Variants in BRF1 observed in about 807,000 individuals in gnomAD.
BRF1 encodes transcription factor IIIB 90 kDa subunit.
Under a neutral mutation model 81.7 loss-of-function variants are expected in BRF1, and 59 were observed. The observed-to-expected ratio is 0.72, with a 90% CI of 0.59 to 0.90. The LOEUF (loss-of-function observed/expected upper bound fraction) is 0.90, where lower values mean the gene tolerates loss of function less well. Ranked by LOEUF, BRF1 falls within the 40% of genes least tolerant of loss-of-function variation. BRF1 has a pLI of 0.00. For missense variants in BRF1, 1,050 were observed against 936.3 expected (o/e 1.12, Z -1.58); for synonymous variants, 491 against 395.6 (o/e 1.24, Z -2.86).
chr14:105,260,891 C>T (rs1301611610), intron 3 of BRF1, among the ~76,000 whole-genome samples: 1 of 152,232 alleles, frequency 6.6e-6, no homozygotes, highest in East Asian at 1.9e-4. Context: ...ATCACATTCC[C>T]TCTGGCCAAT....
rs1025115741 is a variant in BRF1 at position 105,210,707 on chromosome 14, G to T, written c.1997-119C>A. 15 of 1,066,356 alleles carry T rather than the reference G, an allele frequency of 1.4e-5. No individual in the cohort carries two copies. The African/African-American group carries it at 2.6e-4, about 18-fold the overall frequency. The allele number at this position is 1,066,356 out of a possible 1,614,324, so 66.1% of individuals were successfully genotyped here. A position where few individuals can be genotyped will look rare whatever the true frequency, so the allele number is the denominator to read the frequency against. On this transcript the variant is annotated intron_variant, in intron 17 of 17. Transcript: ENST00000547530. The surrounding 1 kb of genome is among the most constrained non-coding windows in gnomAD (Gnocchi z 4.7). Reference sequence around the variant, plus strand: ...GACTCAGGCTCCAGCCCCAGCCCCAGCCCCCCGCGCCCCGCCAGGAGCCAT... The same window carrying T: ...GACTCAGGCTCCAGCCCCAGCCCCATCCCCCCGCGCCCCGCCAGGAGCCAT...
At chr14:105,274,308 G>A (rs2056786187) in intron 2 of BRF1, among the ~76,000 whole-genome samples, 1 of 152,108 alleles carries the variant, frequency 6.6e-6, no homozygotes. Context: ...AAAAACTGAG[G>A]GAACTCAGAG....
At chr14:105,279,550 T>C (rs2056983985) in intron 2 of BRF1, among the ~76,000 whole-genome samples, 1 of 152,192 alleles carries the variant, frequency 6.6e-6, no homozygotes, top group Non-Finnish European at 1.5e-5. Flanking sequence ...AGGCTGATGA[T>C]GCCACATGTG....
At chr14:105,283,659 C>A (rs930227890) in intron 2 of BRF1, among the ~76,000 whole-genome samples, 4 of 152,180 alleles carry the variant, frequency 2.6e-5, no homozygotes, top group African/African-American at 9.7e-5. Flanking sequence ...TGTTGGTTTC[C>A]AATCCTATTG....
intron 3 of BRF1, among the ~76,000 whole-genome samples, chr14:105,261,113 C>T (rs587706300): frequency 4.3e-4 from 65 of 152,360 alleles, no homozygotes; most frequent in African/African-American, 1.5e-3. Flanking sequence ...CCCCAGGGTG[C>T]GAAAGCCTGG....
intron 2 of BRF1, among the ~76,000 whole-genome samples, chr14:105,285,403 C>T (rs2057278989): frequency 6.6e-6 from 1 of 152,190 alleles, no homozygotes; most frequent in Non-Finnish European, 1.5e-5. Context: ...CAAGAGGATG[C>T]CAACTGGCAA....
rs1030695668 is a variant in BRF1 at position 105,309,576 on chromosome 14, A to C, written c.-162+5746T>G. Among the ~76,000 whole-genome samples, 3 of 152,184 alleles carry C rather than the reference A, an allele frequency of 2.0e-5. No homozygotes were observed. The highest frequency in any genetic ancestry group is 7.2e-5 in the African/African-American group (3 of 41,444). On this transcript the variant is annotated intron_variant, in intron 1 of 17. Transcript: ENST00000327359. This position sits in a 1 kb window ranked among gnomAD's most constrained non-coding sequence, Gnocchi z 4.0. ...GATGCCATGGGATACCCATGAGCCC[A>C]GGCAAATCTCCCAAGACGCTGCCAA...
chr14:105,272,254 C>A (rs1391694315), intron 3 of BRF1, among the ~76,000 whole-genome samples: 1 of 151,988 alleles, frequency 6.6e-6, no homozygotes, highest in Non-Finnish European at 1.5e-5. Flanking sequence ...GAGCTGCACA[C>A]CGCTGAGGGT....
Position 105,229,642 on chromosome 14 carries a change from G to A in BRF1, c.695-729C>T, listed in dbSNP as rs587685149. Among the ~76,000 whole-genome samples, 351 of 151,160 alleles carry A rather than the reference G, an allele frequency of 2.3e-3. 2 individuals are homozygous for A. Among genetic ancestry groups the A allele is most frequent in the African/African-American group, 7.8e-3 (320 of 41,226 alleles). On this transcript the variant is annotated intron_variant, in intron 6 of 17. Coordinates refer to ENST00000547530, the MANE Select transcript of BRF1 (RefSeq NM_001519.4). ...AACTAGAACAGTCGCCCAGCTGGGG[G>A]CGGGGGACAGCCTGGCAGCCCCGTG... is the stretch of plus-strand genomic sequence containing the variant.
rs749299738 is a variant in BRF1 at position 105,249,517 on chromosome 14, T to C, written c.544+2990A>G. On this transcript the variant is annotated intron_variant, in intron 5 of 17. Coordinates refer to ENST00000547530, the MANE Select transcript of BRF1 (RefSeq NM_001519.4). Reference sequence around the variant, plus strand: ...ACTGGGGAGGGACGGGTGGGTCCGTTTTAGGCGGCCTCCGGAGGCTTCTGA... The same window carrying C: ...ACTGGGGAGGGACGGGTGGGTCCGTCTTAGGCGGCCTCCGGAGGCTTCTGA... The C allele has an allele frequency of 2.5e-6, 4 of 1,609,042 alleles. No individual in the cohort carries two copies. In the African/African-American group the frequency reaches 5.3e-5, roughly 22 times the overall value.
At chr14:105,219,096 C>T (rs757053739) in intron 13 of BRF1, 43 bp from the exon 14 acceptor site, 3 of 1,613,996 alleles carry the variant, frequency 1.9e-6, no homozygotes, top group South Asian at 1.1e-5. Context: ...AGGGCCCACG[C>T]CCCAGGCCTG....
intron 1 of BRF1, among the ~76,000 whole-genome samples, chr14:105,289,270 A>C (rs1434659754): frequency 6.6e-6 from 1 of 152,106 alleles, no homozygotes; most frequent in Non-Finnish European, 1.5e-5. Context: ...TTGAGTCCAG[A>C]AGGTGGAGGC....
rs587615535 is a variant in BRF1 at position 105,221,691 on chromosome 14, T to A, written c.1272A>T (p.Ser424=). 1 of 1,611,472 alleles carries A rather than the reference T, an allele frequency of 6.2e-7. No individual in the cohort carries two copies. Among genetic ancestry groups the A allele is most frequent in the South Asian group, 1.1e-5 (1 of 91,002 alleles). The part of the protein sequence containing the change: ...PLPTAASLGI[S]DSIRECISSQ... The stretch of plus-strand genomic sequence containing the variant: ...AGGAGATGCATTCGCGGATGGAGTC[T>A]GAGATGCCCAGGCTGGCTGCAGTGG... Residue 424 remains serine, a synonymous_variant, in exon 11 of 18, where the codon TCA becomes TCT. Transcript: ENST00000547530.
At chr14:105,253,653 T>A (rs904346395) in intron 4 of BRF1, among the ~76,000 whole-genome samples, 1 of 152,228 alleles carries the variant, frequency 6.6e-6, no homozygotes, top group African/African-American at 2.4e-5. Context: ...TTGTGGGGGA[T>A]GCCTCTGATC....
intron 15 of BRF1, chr14:105,217,269 C>G (rs1351576720): frequency 1.7e-6 from 1 of 574,402 alleles, no homozygotes; most frequent in Non-Finnish European, 3.1e-6. Context: ...ACGGATTGTC[C>G]CAGCCCCTCC....
rs918044858 is a variant in BRF1, at chr14:105,248,578, C to G, written c.544+3929G>C. 19 of 88,164 alleles carry G rather than the reference C, an allele frequency of 2.2e-4. 1 individual carries two copies. The highest frequency in any genetic ancestry group is 2.3e-4 in the Non-Finnish European group (17 of 72,718). The allele number at this position is 88,164 out of a possible 1,614,324, so 5.5% of individuals were successfully genotyped here. On this transcript the variant is annotated intron_variant, in intron 5 of 17. Coordinates refer to ENST00000547530, the MANE Select transcript of BRF1 (RefSeq NM_001519.4). ...CGCGGCGGGTACGGGCTCGGGCGGG[C>G]GGGCGGGCGGGACGGCGCCCCCCGC...
chr14:105,229,598 TG>T (rs1193505555), intron 6 of BRF1, among the ~76,000 whole-genome samples: 6 of 152,254 alleles, frequency 3.9e-5, no homozygotes, highest in African/African-American at 9.6e-5. Flanking sequence ...AGCTGCGACC[TG>T]GGGGGTCACA....
At chr14:105,227,809 G>A (rs2054103045) in intron 7 of BRF1, 1 of 152,222 alleles carries the variant, frequency 6.6e-6, no homozygotes, top group Admixed American at 6.5e-5. Flanking sequence ...AGAATCAATG[G>A]TCAGATGTTT....
At chr14:105,248,731 G>A (rs1318537834) in intron 5 of BRF1, 2 of 981,704 alleles carry the variant, frequency 2.0e-6, no homozygotes, top group Non-Finnish European at 2.4e-6. Context: ...CCCCTAGCCT[G>A]CCTGCACGGC....
Sources: gnomAD v4.1 joint callset for allele counts (sites outside exome capture counted in the v4.1 genomes callset) on GRCh38, gnomAD v4.1.1 for gene constraint, Gnocchi (gnomAD v3.1) non-coding constraint, MANE v1.5 for transcripts, NCBI Gene and HGNC (gene_info 2026-07-23, HGNC 2026-07-21) for gene names.